The following UBR1 variants were observed in gnomAD, a reference collection of about 807,000 sequenced individuals.
UBR1 encodes E3 ubiquitin-protein ligase UBR1.
UBR1 carries 102 observed loss-of-function variants against 242.1 expected under a neutral mutation model. The ratio of observed to expected loss-of-function variants is 0.42; its 90% confidence interval spans 0.36 to 0.50. The LOEUF (loss-of-function observed/expected upper bound fraction) is 0.50. Among genes scored for constraint, UBR1 ranks in the 20% least tolerant of loss-of-function variants. UBR1 has a pLI of 0.01. For missense variants in UBR1, 1,772 were observed against 2,101.8 expected (o/e 0.84, Z 3.07); for synonymous variants, 675 against 684.8 (o/e 0.99, Z 0.22).
chr15:42,999,820 TA>T (rs960901695), intron 32 of UBR1, among the ~76,000 whole-genome samples: 24 of 140,898 alleles, frequency 1.7e-4, no homozygotes, highest in African/African-American at 2.9e-4. Flanking sequence ...AGACCCTATC[TA>T]AAAAAAAAAA....
intron 27 of UBR1, among the ~76,000 whole-genome samples, chr15:43,018,841 A>G (rs920957195): frequency 6.6e-6 from 1 of 152,234 alleles, no homozygotes; most frequent in Non-Finnish European, 1.5e-5. Context: ...TTTTGATAAT[A>G]AAATTTAGTA....
At chr15:43,049,349 G>GCAGGTGGA (rs1567136719) in intron 12 of UBR1, among the ~76,000 whole-genome samples, 1 of 152,140 alleles carries the variant, frequency 6.6e-6, no homozygotes, top group East Asian at 1.9e-4. Flanking sequence ...GGATCACGAG[G>GCAGGTGGA]TCAGGAGATT....
chr15:42,976,963 G>T, intron 38 of UBR1, 96 bp from the exon 39 acceptor site: 1 of 1,276,422 alleles, frequency 7.8e-7, no homozygotes, highest in Non-Finnish European at 1.1e-6. Context: ...ATGCTACACA[G>T]TGTTTGTGTG....
intron 5 of UBR1, among the ~76,000 whole-genome samples, 175 bp from the exon 6 acceptor site, chr15:43,068,211 C>T (rs982979104): frequency 1.2e-5 from 1 of 84,068 alleles, no homozygotes; most frequent in Non-Finnish European, 2.4e-5. Flanking sequence ...TTTTTTGAAA[C>T]AGGGTCTCAC....
chr15:42,950,138 C>T (rs2031807225), intron 46 of UBR1, 124 bp downstream of exon 46: 1 of 941,412 alleles, frequency 1.1e-6, no homozygotes, highest in Non-Finnish European at 1.7e-6. Context: ...GGTGTCTGGC[C>T]TCAATTACCT....
intron 33 of UBR1, among the ~76,000 whole-genome samples, chr15:42,990,911 T>C (rs1452162387): frequency 6.6e-6 from 1 of 152,234 alleles, no homozygotes; most frequent in Non-Finnish European, 1.5e-5. Context: ...CAAATGCTAT[T>C]TCCCGACATG....
chr15:42,981,144 G>A (rs965194233), intron 37 of UBR1, among the ~76,000 whole-genome samples: 5 of 151,428 alleles, frequency 3.3e-5, no homozygotes, highest in Non-Finnish European at 7.4e-5. Flanking sequence ...ATCAAATTAA[G>A]CTCAGAATAC....
At chr15:43,085,920 C>CA (rs77056940) in intron 2 of UBR1, 64 bp downstream of exon 2, 102,958 of 1,228,476 alleles carry the variant, frequency 0.084, 4 homozygotes, top group Non-Finnish European at 0.09. Context: ...GACTCTGTTT[C>CA]AAAAAAAAAA....
At chr15:42,996,025 CACAGTTCCCTAAAA>C (rs1019642181) in intron 33 of UBR1, among the ~76,000 whole-genome samples, 10 of 152,202 alleles carry the variant, frequency 6.6e-5, no homozygotes, top group African/African-American at 2.4e-4. Context: ...ATGCCATGCT[CACAGTTCCCTAAAA>C]ACATTTCTGT....
intron 44 of UBR1, among the ~76,000 whole-genome samples, chr15:42,953,081 CTT>C (rs1458203085): frequency 6.6e-6 from 1 of 152,038 alleles, no homozygotes; most frequent in East Asian, 1.9e-4. Context: ...AGATTGTAGC[CTT>C]TGAGTTGGCC....
Position 43,043,253 on chromosome 15 carries a change from A to G in UBR1, c.1811T>C (p.Leu604Pro). ...ETKSYRVSED[L>P]VSIHLPLSRT... is the part of the protein sequence containing the mutation. The stretch of plus-strand genomic sequence containing the variant: ...AGAGAGTGGCAGATGTATGCTTACA[A>G]GATCCTCAGATACTCTGTAGGACTT... The change falls in exon 15 of 47, where the codon CTT becomes CCT. Residue 604 changes from leucine (L) to proline (P), a missense_variant. Leu to Pro is a moderately conservative substitution (Grantham distance 98). Transcript: ENST00000290650. 2 of 1,614,190 alleles carry G rather than the reference A, an allele frequency of 1.2e-6. No individual in the cohort carries two copies. The highest frequency in any genetic ancestry group is 1.7e-6 in the Non-Finnish European group (2 of 1,180,026).
intron 6 of UBR1, among the ~76,000 whole-genome samples, chr15:43,062,778 AG>A (rs2141340231): frequency 6.6e-6 from 1 of 152,234 alleles, no homozygotes; most frequent in East Asian, 1.9e-4. Flanking sequence ...CAAAAAATAC[AG>A]GGGTGGGAGT....
At chr15:43,080,950 C>CA (rs1016851380) in intron 3 of UBR1, among the ~76,000 whole-genome samples, 42 of 145,134 alleles carry the variant, frequency 2.9e-4, no homozygotes, top group Admixed American at 8.9e-4. Context: ...GACTCCATCT[C>CA]AAAAAAAAAA....
intron 44 of UBR1, among the ~76,000 whole-genome samples, chr15:42,957,227 CG>C (rs2031935503): frequency 6.6e-6 from 1 of 152,042 alleles, no homozygotes; most frequent in African/African-American, 2.4e-5. Flanking sequence ...TGCTACGACT[CG>C]GATAAATATT....
chr15:43,072,253 C>CT (rs2033832570), intron 4 of UBR1, among the ~76,000 whole-genome samples: 1 of 152,062 alleles, frequency 6.6e-6, no homozygotes, highest in Admixed American at 6.6e-5. Flanking sequence ...AAAAATGACT[C>CT]TTTATGGATT....
intron 3 of UBR1, among the ~76,000 whole-genome samples, chr15:43,076,706 GGCA>G (rs1190291993): frequency 6.9e-6 from 1 of 144,004 alleles, no homozygotes; most frequent in Non-Finnish European, 1.5e-5. Flanking sequence ...CCCTCCGTCC[GGCA>G]GCCACCCCGT....
At chr15:42,950,384 G>A (rs950308101) in intron 45 of UBR1, 21 bp from the exon 46 acceptor site, 1 of 1,606,844 alleles carries the variant, frequency 6.2e-7, no homozygotes, top group African/African-American at 1.3e-5. Flanking sequence ...AAATCAATAG[G>A]AAATATGGTT....
intron 19 of UBR1, among the ~76,000 whole-genome samples, chr15:43,034,702 A>G (rs191137750): frequency 1.3e-5 from 2 of 152,156 alleles, no homozygotes; most frequent in Non-Finnish European, 2.9e-5. Flanking sequence ...CCTGGCCAAC[A>G]TGGAGAAACC....
chr15:43,054,093 T>C (rs2033588354), intron 12 of UBR1, among the ~76,000 whole-genome samples: 1 of 152,142 alleles, frequency 6.6e-6, no homozygotes, highest in South Asian at 2.1e-4. Context: ...CTCATGACTG[T>C]AATCCCAACA....
Sources: gnomAD v4.1 joint callset for allele counts (sites outside exome capture counted in the v4.1 genomes callset) on GRCh38, gnomAD v4.1.1 for gene constraint, MANE v1.5 for transcripts, NCBI Gene and HGNC (gene_info 2026-07-23, HGNC 2026-07-21) for gene names.